PLEC: variants seen among roughly 807,000 people sequenced by gnomAD.
The protein encoded by PLEC is plectin, also known as hemidesmosomal protein 1.
Under a neutral mutation model 392.8 loss-of-function variants are expected in PLEC, and 216 were observed. That is an observed-to-expected ratio of 0.55 (90% CI 0.49 to 0.62). The LOEUF is 0.62. Among genes scored for constraint, PLEC ranks in the 20% least tolerant of loss-of-function variants. The probability of loss-of-function intolerance (pLI) is 0.00; values close to 1 mark genes in which losing one functional copy is unlikely to be tolerated. For synonymous variants in PLEC, 3,621 were observed against 2,980.6 expected (o/e 1.21, Z -7.00); for missense variants, 6,863 against 6,563.4 (o/e 1.05, Z -1.58).
rs1395849402 is a variant in PLEC at position 143,922,890 on chromosome 8, G to T, written c.7039C>A (p.Gln2347Lys). Residue 2347 changes from glutamine (Q) to lysine (K), a missense_variant, in exon 31 of 32, where the codon CAG becomes AAG. By Grantham distance (53) the Gln-to-Lys change is moderately conservative. Coordinates refer to ENST00000345136, the MANE Select transcript of PLEC (RefSeq NM_201384.3). ...ELAQEQARRL[Q>K]EDKEQMAQQL... ...TGCGCCATCTGCTCCTTGTCCTCCTGCAGCCGCCGCGCCTGCTCCTGCGCA... is the reference window on the plus strand; with the variant it reads ...TGCGCCATCTGCTCCTTGTCCTCCTTCAGCCGCCGCGCCTGCTCCTGCGCA... 4.4e-6 allele frequency: 7 copies of T among 1,583,210 alleles called. No homozygotes were observed. Among genetic ancestry groups the T allele is most frequent in the Non-Finnish European group, 5.1e-6 (6 of 1,165,546 alleles).
intron 1 of PLEC, among the ~76,000 whole-genome samples, chr8:143,961,366 C>T (rs1587400703): frequency 6.6e-6 from 1 of 152,174 alleles, no homozygotes; most frequent in South Asian, 2.1e-4. Flanking sequence ...GCGGGGATTA[C>T]AGGCGTGCAC....
At position 143,921,780 on chromosome 8, in the gene PLEC, C is replaced by T. The variant is rs200128670; in HGVS notation, c.8041G>A (p.Glu2681Lys). 559 of 1,611,268 alleles carry T rather than the reference C, an allele frequency of 3.5e-4. No homozygotes were observed. The highest frequency in any genetic ancestry group is 4.4e-4 in the Non-Finnish European group (519 of 1,179,824). ...CGCACGTCTTCCCGCCGTGCGAGCT[C>T]GTCCACCGTGGTGTGGCCCTGCGCC... ...RLAQGHTTVD[E>K]LARREDVRHY... is the part of the protein sequence containing the mutation. Residue 2681 changes from glutamate to lysine, a missense_variant, in exon 32 of 32, where the codon GAG (glutamate) becomes AAG (lysine). Coordinates refer to ENST00000345136, the MANE Select transcript of PLEC (RefSeq NM_201384.3).
Position 143,932,223 on chromosome 8 carries a change from C to A in PLEC, c.1989G>T (p.Arg663=), listed in dbSNP as rs1554716579. ...AKKESYSALM[R]ELELKEKKIK... Reference sequence around the variant, plus strand: ...TCTTCTTCTCCTTCAGCTCCAGCTCCCGCATCAGCGCCTGGCACCAGAGCA... The same window carrying A: ...TCTTCTTCTCCTTCAGCTCCAGCTCACGCATCAGCGCCTGGCACCAGAGCA... Residue 663 remains arginine (R), a synonymous_variant, in exon 17 of 32, where the codon CGG becomes CGT. Transcript: ENST00000345136. The A allele has an allele frequency of 6.2e-7, 1 of 1,612,260 alleles. No individual in the cohort carries two copies.
chr8:143,933,561 G>A (rs770269230), intron 12 of PLEC, among the ~76,000 whole-genome samples: 30 of 152,166 alleles, frequency 2.0e-4, no homozygotes, highest in Non-Finnish European at 1.5e-5. Flanking sequence ...ACTTAGCCCA[G>A]TCCAAGAACC....
In PLEC at chr8:143,923,869, C is replaced by T. The variant is rs782007606; in HGVS notation, c.6060G>A (p.Glu2020=). 2.5e-6 allele frequency: 4 copies of T among 1,594,236 alleles called. No homozygotes were observed. The highest frequency in any genetic ancestry group is 3.4e-6 in the Non-Finnish European group (4 of 1,177,798). The change falls in exon 31 of 32, where the codon GAG becomes GAA. Residue 2020 remains glutamate, a synonymous_variant. Coordinates refer to ENST00000345136, the MANE Select transcript of PLEC (RefSeq NM_201384.3). The part of the protein sequence containing the change: ...EVERLKAKVE[E]ARRLRERAEQ... ...CCGCTCGCTCCCGCAGGCGCCGCGCCTCCTCCACCTTGGCTTTCAGCCGCT... is the reference window on the plus strand; with the variant it reads ...CCGCTCGCTCCCGCAGGCGCCGCGCTTCCTCCACCTTGGCTTTCAGCCGCT...
At chr8:143,953,742 C>T (rs782665613), upstream of PLEC, 7 of 1,612,208 alleles carry the variant, frequency 4.3e-6, no homozygotes, top group Non-Finnish European at 5.9e-6. Context: ...GGGAGCTGAT[C>T]TCGTTCTGGA....
At chr8:143,938,409 G>C in intron 2 of PLEC, 169 bp from the exon 3 acceptor site, 2 of 1,536,418 alleles carry the variant, frequency 1.3e-6, no homozygotes, top group Non-Finnish European at 1.7e-6. Context: ...ACCTCTGCCC[G>C]CCAGTGCTGC....
chr8:143,931,693 C>T, intron 18 of PLEC, 34 bp from the exon 19 acceptor site: 2 of 1,585,282 alleles, frequency 1.3e-6, no homozygotes, highest in Non-Finnish European at 1.7e-6. Flanking sequence ...GCCAGGCTAC[C>T]TGGGACCAGA....
At position 143,973,478 on chromosome 8, in the gene PLEC, C is replaced by CGGGCGCG. The variant is rs782078153; in HGVS notation, c.-13_-7dup. 666 of 1,506,654 alleles carry CGGGCGCG rather than the reference C, an allele frequency of 4.4e-4. 1 individual carries two copies. The highest frequency in any genetic ancestry group is 9.4e-4 in the South Asian group (76 of 80,456). 93.3% of individuals were successfully genotyped at this position (1,506,654 alleles called of 1,614,324 possible). A position where few individuals can be genotyped will look rare whatever the true frequency, so the allele number is the denominator to read the frequency against. On this transcript the variant is annotated 5_prime_UTR_variant, in exon 1 of 32. Coordinates refer to the PLEC transcript ENST00000356346. This position sits in a 1 kb window ranked among gnomAD's most constrained non-coding sequence, Gnocchi z 5.6. ...TCGGGCAGCGGGCCGGCCATGCCGG[C>CGGGCGCG]GGGCGCGGGGCGCGGGGTGCAGCGG...
chr8:143,954,818 T>C (rs1198700365), upstream of PLEC, among the ~76,000 whole-genome samples: 3 of 152,176 alleles, frequency 2.0e-5, no homozygotes, highest in Non-Finnish European at 4.4e-5. The surrounding 1 kb of genome is among the most constrained non-coding windows in gnomAD (Gnocchi z 4.6). Flanking sequence ...GTGCTGGTAG[T>C]GTGGGGCAGG....
At chr8:143,929,049 C>T (rs1554710069) in intron 25 of PLEC, 54 bp downstream of exon 25, 1 of 1,492,388 alleles carries the variant, frequency 6.7e-7, no homozygotes, top group Admixed American at 2.0e-5. Flanking sequence ...ACAGCCCTCA[C>T]CCCAGCACCC....
upstream of PLEC, among the ~76,000 whole-genome samples, chr8:143,942,150 C>T (rs1830582868): frequency 6.8e-6 from 1 of 147,536 alleles, no homozygotes; most frequent in African/African-American, 2.6e-5. Context: ...GGGGGTGGGC[C>T]AGCCCCGCCC....
rs782157103 is a variant in PLEC at position 143,932,197 on chromosome 8, ATCT to A, written c.2012_2014del (p.Lys671del). ...GTCCCCAGCATTTTGGAGCTCCTTG[ATCT>A]TCTTCTCCTTCAGCTCCAGCTCCCG... On this transcript the variant is annotated inframe_deletion, in exon 17 of 32. Transcript: ENST00000345136. 31 of 1,612,212 alleles carry A rather than the reference ATCT, an allele frequency of 1.9e-5. No homozygotes were observed. The East Asian group carries it at 2.2e-4, about 12-fold the overall frequency.
At chr8:143,945,448 C>T (rs139476104) in intron 1 of PLEC, among the ~76,000 whole-genome samples, 2,929 of 152,272 alleles carry the variant, frequency 0.019, 33 homozygotes, top group Admixed American at 0.037. Context: ...CCCAATGCAG[C>T]CGGGGAAACA....
rs782204601 is a variant in PLEC, at chr8:143,924,778, C to T, written c.5151G>A (p.Arg1717=). 13 of 1,535,508 alleles carry T rather than the reference C, an allele frequency of 8.5e-6. No homozygotes were observed. Among genetic ancestry groups the T allele is most frequent in the Non-Finnish European group, 1.1e-5 (13 of 1,146,612 alleles). ...QRLAAEQELI[R]LRAETEQGEQ... The stretch of plus-strand genomic sequence containing the variant: ...CCCCCTGCTCCGTCTCGGCCCGCAG[C>T]CGGATCAACTCCTGCTCCGCGGCCA... The change falls in exon 31 of 32, where the codon CGG becomes CGA. Residue 1717 remains arginine (R), a synonymous_variant. Coordinates refer to ENST00000345136, the MANE Select transcript of PLEC (RefSeq NM_201384.3).
In PLEC at chr8:143,936,985, G is replaced by A. The variant is rs1187243485; in HGVS notation, c.429C>T (p.His143=). The A allele has an allele frequency of 1.2e-6, 2 of 1,611,016 alleles. No homozygotes were observed. Among genetic ancestry groups the A allele is most frequent in the African/African-American group, 2.7e-5 (2 of 74,910 alleles). Reference sequence around the variant, plus strand: ...CTGGGGGCAGCCGTTCTACCTGGAAGTGCAGAATGATTGTCCAGATGAGGC... The same window carrying A: ...CTGGGGGCAGCCGTTCTACCTGGAAATGCAGAATGATTGTCCAGATGAGGC... ...TLGLIWTIIL[H]FQISDIQVSG... is the part of the protein sequence containing the mutation. The change falls in exon 5 of 32, where the codon CAC becomes CAT. Residue 143 remains histidine (H), a synonymous_variant. Coordinates refer to ENST00000345136, the MANE Select transcript of PLEC (RefSeq NM_201384.3).
rs552713184 is a variant in PLEC at position 143,920,909 on chromosome 8, C to T, written c.8912G>A (p.Arg2971Gln). Residue 2971 changes from arginine to glutamine, a missense_variant, in exon 32 of 32, where the codon CGG (arginine) becomes CAG (glutamine). Transcript: ENST00000345136. ...GCTGCGCAGGCCCTCAAAGCAAAGCCGGCCCTTCTGCTCCTGCTCCTCCAC... is the reference window on the plus strand; with the variant it reads ...GCTGCGCAGGCCCTCAAAGCAAAGCTGGCCCTTCTGCTCCTGCTCCTCCAC... Reference protein sequence around the residue: ...TVVEEQEQKGRLCFEGLRSLV... With the variant: ...TVVEEQEQKGQLCFEGLRSLV... 119 of 1,612,490 alleles carry T rather than the reference C, an allele frequency of 7.4e-5. No homozygotes were observed. Among genetic ancestry groups the T allele is most frequent in the Middle Eastern group, 1.6e-4 (1 of 6,062 alleles).
In PLEC at chr8:143,919,986, C is replaced by A. The variant is rs200407723; in HGVS notation, c.9835G>T (p.Val3279Phe). ...ATCTTGATGACCTTCTCCACGGTGACCTTGCCCGTGCGGAACTGACGCAAC... is the reference window on the plus strand; with the variant it reads ...ATCTTGATGACCTTCTCCACGGTGAACTTGCCCGTGCGGAACTGACGCAAC... The part of the protein sequence containing the change: ...ELLRQFRTGK[V>F]TVEKVIKILI... Residue 3279 changes from valine to phenylalanine, a missense_variant, in exon 32 of 32, where the codon GTC becomes TTC. Physicochemically the swap from Val to Phe is conservative, Grantham distance 50. Coordinates refer to ENST00000345136, the MANE Select transcript of PLEC (RefSeq NM_201384.3). 1.5e-5 allele frequency: 24 copies of A among 1,613,238 alleles called. No homozygotes were observed. The highest frequency in any genetic ancestry group is 1.9e-5 in the Non-Finnish European group (22 of 1,180,038).
At position 143,930,003 on chromosome 8, in the gene PLEC, T is replaced by C. The variant is rs1554712587; in HGVS notation, c.2672A>G (p.Lys891Arg). The C allele has an allele frequency of 1.9e-6, 3 of 1,612,218 alleles. No homozygotes were observed. The highest frequency in any genetic ancestry group is 2.5e-6 in the Non-Finnish European group (3 of 1,179,720). The change falls in exon 22 of 32, where the codon AAG becomes AGG. Residue 891 changes from lysine to arginine, a missense_variant. Physicochemically the swap from Lys to Arg is conservative, Grantham distance 26. Transcript: ENST00000345136. ...AAGGCTCTGCCAGGCCAGAAGGCTCTTCATGTCCACGTGCAACTGGTGCCA... is the reference window on the plus strand; with the variant it reads ...AAGGCTCTGCCAGGCCAGAAGGCTCCTCATGTCCACGTGCAACTGGTGCCA... Reference protein sequence around the residue: ...TLWHQLHVDMKSLLAWQSLRR... With the variant: ...TLWHQLHVDMRSLLAWQSLRR...
Sources: allele counts gnomAD v4.1 joint callset (sites outside exome capture counted in the v4.1 genomes callset), GRCh38; gene constraint gnomAD v4.1.1; non-coding constraint Gnocchi (gnomAD v3.1); transcripts MANE v1.5; gene names NCBI Gene and HGNC (gene_info 2026-07-23, HGNC 2026-07-21).